Variants in KDM5B observed in about 807,000 individuals in gnomAD.
KDM5B encodes the protein lysine demethylase 5B, also known as lysine-specific demethylase 5B.
A neutral mutation model predicts 193.4 loss-of-function variants in KDM5B; 144 were observed. The observed-to-expected ratio is 0.74, with a 90% CI of 0.65 to 0.86. KDM5B has a LOEUF of 0.86. Among genes scored for constraint, KDM5B ranks in the 40% least tolerant of loss-of-function variants. The pLI is 0.00. For synonymous variants in KDM5B, 668 were observed against 682.6 expected (o/e 0.98, Z 0.33); for missense variants, 1,833 against 1,886.9 (o/e 0.97, Z 0.53).
rs199931893 is a variant in KDM5B at position 202,773,170 on chromosome 1, T to C, written c.524A>G (p.Tyr175Cys). 4.3e-6 allele frequency: 7 copies of C among 1,613,858 alleles called. No homozygotes were observed. Among genetic ancestry groups the C allele is most frequent in the East Asian group, 2.2e-5 (1 of 44,882 alleles). The change falls in exon 4 of 27, where the codon TAT (tyrosine) becomes TGT (cysteine). Residue 175 changes from tyrosine to cysteine, a missense_variant. Tyr to Cys is a radical substitution (Grantham distance 194, BLOSUM62 -2). Coordinates refer to ENST00000367265, the MANE Select transcript of KDM5B (RefSeq NM_006618.5). ...KAVGSHIRGHYERILNPYNLF... is the reference protein window; with the variant it reads ...KAVGSHIRGHCERILNPYNLF... ...GTTGTAGGGGTTGAGAATTCGTTCA[T>C]AATGCCCTCTGATATGTGAGCCCAC...
chr1:202,740,469 C>T (rs1655284825), intron 20 of KDM5B, among the ~76,000 whole-genome samples: 1 of 136,710 alleles, frequency 7.3e-6, no homozygotes, highest in African/African-American at 2.6e-5. Flanking sequence ...GACCCCCTCA[C>T]CTCCCTCCCG....
intron 23 of KDM5B, among the ~76,000 whole-genome samples, chr1:202,732,856 C>A (rs1654938022): frequency 6.6e-6 from 1 of 152,186 alleles, no homozygotes; most frequent in Non-Finnish European, 1.5e-5. Context: ...AAACTCTGCC[C>A]ATCCAGTGAT....
chr1:202,745,584 C>T (rs938854544), intron 16 of KDM5B, among the ~76,000 whole-genome samples: 1 of 151,984 alleles, frequency 6.6e-6, no homozygotes, highest in East Asian at 1.9e-4. Flanking sequence ...ATTTCTGAGA[C>T]AAAAATAAAG....
intron 7 of KDM5B, 58 bp downstream of exon 7, chr1:202,762,637 TAAAG>T: frequency 1.0e-6 from 1 of 952,836 alleles, no homozygotes. Flanking sequence ...TAAAGGGGAT[TAAAG>T]AAAGGAAGGG....
At chr1:202,739,141 C>G (rs1275744915) in intron 20 of KDM5B, among the ~76,000 whole-genome samples, 1 of 152,162 alleles carries the variant, frequency 6.6e-6, no homozygotes, top group Non-Finnish European at 1.5e-5. Context: ...GACAAGCCAA[C>G]AAGAGGTAAT....
At position 202,742,270 on chromosome 1, in the gene KDM5B, A is replaced by G. The variant is rs1655374344; in HGVS notation, c.2589+121T>C. ...ATATACCACTCAATAGGTTATTAAAAGCATCTGCAAATAAATGTACATATT... is the reference window on the plus strand; with the variant it reads ...ATATACCACTCAATAGGTTATTAAAGGCATCTGCAAATAAATGTACATATT... On this transcript the variant is annotated intron_variant, in intron 18 of 26. Transcript: ENST00000367265. The G allele has an allele frequency of 1.6e-5, 11 of 672,094 alleles. No homozygotes were observed. The East Asian group carries it at 3.1e-4, about 19-fold the overall frequency. The allele number at this position is 672,094 out of a possible 1,614,324, so 41.6% of individuals were successfully genotyped here.
chr1:202,772,385 T>C (rs1020409874), intron 4 of KDM5B, among the ~76,000 whole-genome samples: 6 of 152,252 alleles, frequency 3.9e-5, no homozygotes, highest in African/African-American at 1.4e-4. Context: ...GTTAGCTATG[T>C]AGCATTATAA....
chr1:202,790,581 G>A lies in KDM5B; in HGVS notation c.205-13487C>T, dbSNP rs186716611. Among the ~76,000 whole-genome samples the A allele has an allele frequency of 9.2e-3, 1,394 of 151,258 alleles. 19 individuals are homozygous for A. The highest frequency in any genetic ancestry group is 0.014 in the Non-Finnish European group (967 of 67,656). On this transcript the variant is annotated intron_variant, in intron 1 of 26. Coordinates refer to ENST00000367265, the MANE Select transcript of KDM5B (RefSeq NM_006618.5). ...CTAAAAATACAAAAATTAGCTGGGC[G>A]TGGTGGCACACGCCTGTGATTCCAG...
chr1:202,776,803 A>G (rs545706939), intron 2 of KDM5B, among the ~76,000 whole-genome samples: 1 of 152,272 alleles, frequency 6.6e-6, no homozygotes, highest in East Asian at 1.9e-4. Flanking sequence ...CCAGCCTCCC[A>G]AAGTGCTGAG....
Position 202,804,157 on chromosome 1 carries a change from T to C in KDM5B, c.204+3945A>G, listed in dbSNP as rs901416561. Among the ~76,000 whole-genome samples, 5 of 152,140 alleles carry C rather than the reference T, an allele frequency of 3.3e-5. 1 individual carries two copies. Among genetic ancestry groups the C allele is most frequent in the Non-Finnish European group, 7.4e-5 (5 of 68,002 alleles). On this transcript the variant is annotated intron_variant, in intron 1 of 26. Transcript: ENST00000367265. ...TGAGGGAGATGAAAATGTTCTACAA[T>C]TGATTGTGGTGATGGTTGTACAACT... is the stretch of plus-strand genomic sequence containing the variant.
intron 13 of KDM5B, among the ~76,000 whole-genome samples, chr1:202,750,141 A>T (rs1655732686): frequency 6.6e-6 from 1 of 152,246 alleles, no homozygotes; most frequent in Non-Finnish European, 1.5e-5. Context: ...AAAAAACATC[A>T]GCTGAACTAA....
chr1:202,787,954 G>A (rs1372805282), intron 1 of KDM5B, among the ~76,000 whole-genome samples: 1 of 152,054 alleles, frequency 6.6e-6, no homozygotes, highest in African/African-American at 2.4e-5. Context: ...GCTGAAAGGG[G>A]GGAGTTTTCT....
intron 1 of KDM5B, chr1:202,806,698 G>T (rs1017891218): frequency 2.6e-5 from 4 of 151,924 alleles, no homozygotes; most frequent in African/African-American, 9.7e-5. Flanking sequence ...GGATCTCCCT[G>T]AAAACAGCTT....
intron 1 of KDM5B, among the ~76,000 whole-genome samples, chr1:202,788,182 A>G (rs1288199561): frequency 6.6e-6 from 1 of 152,220 alleles, no homozygotes; most frequent in African/African-American, 2.4e-5. Flanking sequence ...ACATTTTTAG[A>G]AAAGTTATAC....
chr1:202,803,249 G>C (rs1658148943), intron 1 of KDM5B, among the ~76,000 whole-genome samples: 1 of 152,120 alleles, frequency 6.6e-6, no homozygotes, highest in South Asian at 2.1e-4. Context: ...TCTTTTAAAA[G>C]TTTAGATTGC....
chr1:202,760,666 C>A, intron 7 of KDM5B, 93 bp from the exon 8 acceptor site: 1 of 820,670 alleles, frequency 1.2e-6, no homozygotes, highest in South Asian at 2.1e-5. Context: ...GAGACATAAT[C>A]TAGTCTCTAC....
At chr1:202,756,288 TA>T in intron 10 of KDM5B, 69 bp downstream of exon 10, 1 of 1,279,836 alleles carries the variant, frequency 7.8e-7, no homozygotes, top group Non-Finnish European at 1.1e-6. Context: ...AAAGTAATCA[TA>T]AGTTACTTCA....
At chr1:202,796,287 TC>T in intron 1 of KDM5B, 3 of 418,270 alleles carry the variant, frequency 7.2e-6, no homozygotes, top group Admixed American at 2.7e-5. Flanking sequence ...GACCAAATGG[TC>T]CCCGCTGTGC....
At chr1:202,787,698 C>T (rs61820986) in intron 1 of KDM5B, among the ~76,000 whole-genome samples, 8,936 of 151,432 alleles carry the variant, frequency 0.059, 453 homozygotes, top group East Asian at 0.25. Context: ...TCCTGGCCAA[C>T]GTAGTGAAAC....
Sources: gnomAD v4.1 joint callset for allele counts (sites outside exome capture counted in the v4.1 genomes callset) on GRCh38, gnomAD v4.1.1 for gene constraint, MANE v1.5 for transcripts, NCBI Gene and HGNC (gene_info 2026-07-23, HGNC 2026-07-21) for gene names.